PAPPA2: variants seen among roughly 807,000 people sequenced by gnomAD.
PAPPA2 encodes pappalysin 2, also known as pappalysin-2.
PAPPA2 carries 86 observed loss-of-function variants against 176.4 expected under a neutral mutation model. The ratio of observed to expected loss-of-function variants is 0.49; its 90% CI spans 0.41 to 0.58. The LOEUF is 0.58. PAPPA2 is among the 20% of genes least tolerant of loss of function. PAPPA2 has a pLI of 0.00. For missense variants in PAPPA2, 2,073 were observed against 2,256.9 expected, an observed-to-expected ratio of 0.92 and a Z score of 1.65; for synonymous variants, 809 against 852.2, an observed-to-expected ratio of 0.95 and a Z score of 0.88.
chr1:176,836,943 T>G (rs1667294107), intron 21 of PAPPA2: 1 of 151,738 alleles, frequency 6.6e-6, no homozygotes, highest in African/African-American at 2.4e-5. Context: ...GCATATGGAG[T>G]GATTGAATGA....
Position 176,739,693 on chromosome 1 carries a change from C to T in PAPPA2, c.3866C>T (p.Pro1289Leu), listed in dbSNP as rs377578831. 4.8e-5 allele frequency: 78 copies of T among 1,613,618 alleles called. 3 individuals are homozygous for T. The South Asian group carries it at 8.1e-4, about 17-fold the overall frequency. ...TTTTTGACAACTGATGGCCTAGTTC[C>T]CGGAGAGCATCAGCAGCCGACAGTG... ...FIFLTTDGLV[P>L]GEHQQPTVTL... The change falls in exon 13 of 23, where the codon CCC becomes CTC. Residue 1289 changes from proline to leucine, a missense_variant. This residue lies in a region of PAPPA2 where 846 missense variants were observed against 857.9 expected (regional missense o/e 0.99). Transcript: ENST00000367662.
intron 10 of PAPPA2, among the ~76,000 whole-genome samples, chr1:176,708,530 T>TAGAGAGAGAGAGAGAGAG (rs71565479): frequency 6.9e-5 from 10 of 145,590 alleles, no homozygotes; most frequent in South Asian, 6.7e-4. Context: ...TACGTACATG[T>TAGAGAGAGAGAGAGAGAG]AGAGAGAGAG....
chr1:176,574,531 TC>T (rs1250851641), intron 2 of PAPPA2, among the ~76,000 whole-genome samples: 1 of 152,202 alleles, frequency 6.6e-6, no homozygotes, highest in African/African-American at 2.4e-5. Context: ...GCTGGGCAGC[TC>T]CCTTTGGCTA....
chr1:176,538,463 A>G (rs1223577098), intron 1 of PAPPA2, among the ~76,000 whole-genome samples: 1 of 152,216 alleles, frequency 6.6e-6, no homozygotes, highest in Admixed American at 6.5e-5. Flanking sequence ...GAACCACATC[A>G]GAATCATGCC....
chr1:176,723,671 T>C (rs1661728547), intron 12 of PAPPA2, among the ~76,000 whole-genome samples: 1 of 152,166 alleles, frequency 6.6e-6, no homozygotes, highest in African/African-American at 2.4e-5. Flanking sequence ...AAATCTTTCA[T>C]TGACTAAAAT....
At chr1:176,772,318 T>A (rs1490786767) in intron 17 of PAPPA2, among the ~76,000 whole-genome samples, 2 of 152,224 alleles carry the variant, frequency 1.3e-5, no homozygotes, top group Non-Finnish European at 2.9e-5. Context: ...TGATATGTAT[T>A]CTTCTAAGAT....
intron 1 of PAPPA2, among the ~76,000 whole-genome samples, chr1:176,525,629 C>A (rs1337616927): frequency 6.6e-6 from 1 of 152,130 alleles, no homozygotes; most frequent in East Asian, 1.9e-4. Flanking sequence ...TTCTGATATA[C>A]AGACAGGTTT....
chr1:176,556,701 G>A lies in PAPPA2; in HGVS notation c.379G>A (p.Ala127Thr). 1.2e-6 allele frequency: 2 copies of A among 1,614,120 alleles called. No individual in the cohort carries two copies. Among genetic ancestry groups the A allele is most frequent in the Middle Eastern group, 1.6e-4 (1 of 6,062 alleles). Residue 127 changes from alanine (A) to threonine (T), a missense_variant, in exon 2 of 23, where the codon GCC becomes ACC. By Grantham distance (58) the Ala-to-Thr change is moderately conservative (BLOSUM62 0). This residue lies in a region of PAPPA2 where 1,196 missense variants were observed against 1,330.4 expected (regional missense o/e 0.90). Coordinates refer to ENST00000367662, the MANE Select transcript of PAPPA2 (RefSeq NM_020318.3). The part of the protein sequence containing the change: ...GLRGAVEEPA[A>T]PWVGDSPIGQ... ...GAGGGGTGCAGTTGAAGAGCCGGCT[G>A]CCCCATGGGTAGGGGATAGTCCTAT... is the stretch of plus-strand genomic sequence containing the variant.
chr1:176,746,502 G>A (rs764085855), intron 14 of PAPPA2, among the ~76,000 whole-genome samples: 1 of 152,076 alleles, frequency 6.6e-6, no homozygotes, highest in Non-Finnish European at 1.5e-5. Context: ...TGCCTCCCGG[G>A]TTCACACCAT....
chr1:176,735,860 A>T (rs1662389132), intron 12 of PAPPA2, among the ~76,000 whole-genome samples: 1 of 152,100 alleles, frequency 6.6e-6, no homozygotes, highest in Non-Finnish European at 1.5e-5. Flanking sequence ...CTATCATGAT[A>T]CCAATTCTCA....
At chr1:176,765,088 T>C (rs1002517555) in intron 14 of PAPPA2, among the ~76,000 whole-genome samples, 1 of 152,256 alleles carries the variant, frequency 6.6e-6, no homozygotes, top group Non-Finnish European at 1.5e-5. Flanking sequence ...TCTGTGCTAA[T>C]ATTCAGTGGT....
At chr1:176,722,650 A>G (rs1449007905) in intron 12 of PAPPA2, among the ~76,000 whole-genome samples, 1 of 152,112 alleles carries the variant, frequency 6.6e-6, no homozygotes, top group Non-Finnish European at 1.5e-5. Flanking sequence ...TTTGAAGAAT[A>G]CCTCAAAGGC....
In PAPPA2 at chr1:176,678,977, G is replaced by T. The variant is rs556737507; in HGVS notation, c.2137+7862G>T. 2.0e-5 allele frequency among the ~76,000 whole-genome samples: 3 copies of T among 152,202 alleles called. No individual in the cohort carries two copies. The South Asian group carries it at 6.2e-4, about 31-fold the overall frequency. On this transcript the variant is annotated intron_variant, in intron 4 of 22. Transcript: ENST00000367662. Reference sequence around the variant, plus strand: ...TGTGAGCACAAGGAAAGAATAGGTTGTATGAAGCATGAGAAATTATTAGGT... The same window carrying T: ...TGTGAGCACAAGGAAAGAATAGGTTTTATGAAGCATGAGAAATTATTAGGT...
intron 12 of PAPPA2, among the ~76,000 whole-genome samples, chr1:176,719,868 C>T (rs1329639749): frequency 1.3e-5 from 2 of 152,210 alleles, no homozygotes; most frequent in Non-Finnish European, 2.9e-5. Flanking sequence ...AAAATGGTAA[C>T]GTAAGTATAC....
intron 4 of PAPPA2, among the ~76,000 whole-genome samples, chr1:176,686,431 C>T (rs1199505254): frequency 6.6e-6 from 1 of 152,140 alleles, no homozygotes; most frequent in Admixed American, 6.5e-5. Flanking sequence ...CAATTACCTC[C>T]ACCTGGTCCC....
intron 14 of PAPPA2, among the ~76,000 whole-genome samples, chr1:176,741,734 A>C (rs1398643090): frequency 6.6e-6 from 1 of 152,230 alleles, no homozygotes; most frequent in East Asian, 1.9e-4. Flanking sequence ...AATGAATGTC[A>C]TAAGGTTAAC....
Position 176,671,005 on chromosome 1 carries a change from T to A in PAPPA2, c.2027T>A (p.Leu676Gln), listed in dbSNP as rs765839902. The A allele has an allele frequency of 6.2e-7, 1 of 1,613,958 alleles. No homozygotes were observed. Among genetic ancestry groups the A allele is most frequent in the South Asian group, 1.1e-5 (1 of 91,084 alleles). The change falls in exon 4 of 23, where the codon CTG becomes CAG. Residue 676 changes from leucine to glutamine, a missense_variant. Leu to Gln is a moderately radical substitution (Grantham distance 113). Around this residue, in one of 4 missense-constraint regions of PAPPA2, gnomAD observed 1,196 missense variants for 1,330.4 expected, o/e 0.90. Coordinates refer to ENST00000367662, the MANE Select transcript of PAPPA2 (RefSeq NM_020318.3). ...AGTGTGAAGGAGCTGAAGGAGGCCC[T>A]GCAGCTGAACAGTACTCACTTCCTC... is the stretch of plus-strand genomic sequence containing the variant. ...YMSVKELKEALQLNSTHFLNI... is the reference protein window; with the variant it reads ...YMSVKELKEAQQLNSTHFLNI...
intron 1 of PAPPA2, among the ~76,000 whole-genome samples, chr1:176,520,384 G>A (rs1262155788): frequency 6.6e-6 from 1 of 152,184 alleles, no homozygotes; most frequent in Non-Finnish European, 1.5e-5. Flanking sequence ...CTTACTGGAA[G>A]TCTTTCTAAT....
intron 21 of PAPPA2, among the ~76,000 whole-genome samples, chr1:176,819,072 A>G (rs748640428): frequency 6.6e-6 from 1 of 152,200 alleles, no homozygotes; most frequent in Non-Finnish European, 1.5e-5. Flanking sequence ...TTATATCTCA[A>G]GTCTTAATAC....
Sources: allele counts gnomAD v4.1 joint callset (sites outside exome capture counted in the v4.1 genomes callset), GRCh38; gene constraint gnomAD v4.1.1; regional missense constraint gnomAD v4.1.1; transcripts MANE v1.5; gene names NCBI Gene and HGNC (gene_info 2026-07-23, HGNC 2026-07-21).